Variants in NF1 observed in about 807,000 individuals in gnomAD.
The protein encoded by NF1 is neurofibromin 1, also known as neurofibromin.
In NF1, 122 loss-of-function variants were observed where a neutral mutation model predicts 325.7. The observed-to-expected ratio is 0.37, with a 90% CI of 0.32 to 0.44. The LOEUF is 0.44. NF1 is among the 20% of genes least tolerant of loss of function. The pLI, the probability that NF1 is intolerant of heterozygous loss-of-function variation, is 1.00. For synonymous variants in NF1, 1,091 were observed against 1,186.0 expected, an observed-to-expected ratio of 0.92 and a Z score of 1.65; for missense variants, 2,140 against 3,415.4, an observed-to-expected ratio of 0.63 and a Z score of 9.31.
At chr17:31,233,287 A>G in intron 27 of NF1, 74 bp downstream of exon 27, 1 of 1,344,340 alleles carries the variant, frequency 7.4e-7, no homozygotes, top group South Asian at 1.2e-5. Flanking sequence ...TTTGTTCAAT[A>G]AATGTTTGTT....
In NF1 at chr17:31,265,240, A is replaced by G. The variant is rs1275751975; in HGVS notation, c.4736A>G (p.His1579Arg). 4 of 1,611,948 alleles carry G rather than the reference A, an allele frequency of 2.5e-6. No individual in the cohort carries two copies. Among genetic ancestry groups the G allele is most frequent in the African/African-American group, 1.3e-5 (1 of 74,860 alleles). Reference protein sequence around the residue: ...FEEFMTRHQVHEKEEFKALKT... With the variant: ...FEEFMTRHQVREKEEFKALKT... ...TATTTTTCTTTTAGGCATCAGGTACATGAAAAAGAAGAATTCAAGGCTTTG... is the reference window on the plus strand; with the variant it reads ...TATTTTTCTTTTAGGCATCAGGTACGTGAAAAAGAAGAATTCAAGGCTTTG... The change falls in exon 36 of 58, where the codon CAT (histidine) becomes CGT (arginine). Residue 1579 changes from histidine to arginine, a missense_variant. By Grantham distance (29) the His-to-Arg change is conservative. This residue lies in a region of NF1 where 103 missense variants were observed against 214.6 expected (regional missense o/e 0.48). Transcript: ENST00000358273.
At chr17:31,346,652 C>A (rs1042649365) in intron 48 of NF1, among the ~76,000 whole-genome samples, 2 of 151,796 alleles carry the variant, frequency 1.3e-5, no homozygotes, top group Non-Finnish European at 2.9e-5. Context: ...GGTGTGTGCC[C>A]TCCTGGTAAC....
intron 35 of NF1, among the ~76,000 whole-genome samples, chr17:31,263,110 G>GGT (rs1334914975): frequency 6.3e-5 from 5 of 79,392 alleles, no homozygotes; most frequent in African/African-American, 1.3e-4. Context: ...TAGGTAGGTA[G>GGT]ATAGATAGAT....
chr17:31,167,332 T>C (rs903813301), intron 4 of NF1, among the ~76,000 whole-genome samples: 1 of 152,204 alleles, frequency 6.6e-6, no homozygotes, highest in Admixed American at 6.5e-5. Context: ...AGAGAGTTCA[T>C]GTAAGTGCTT....
At chr17:31,281,012 G>A (rs1257150944) in intron 36 of NF1, among the ~76,000 whole-genome samples, 3 of 152,088 alleles carry the variant, frequency 2.0e-5, no homozygotes, top group African/African-American at 7.2e-5. Flanking sequence ...TGAAATGCCT[G>A]TTTCATGTAG....
chr17:31,323,511 G>T (rs914034596), intron 36 of NF1, among the ~76,000 whole-genome samples: 1 of 152,102 alleles, frequency 6.6e-6, no homozygotes, highest in African/African-American at 2.4e-5. Flanking sequence ...TGATTCTGAC[G>T]CCAGTAGTCC....
At chr17:31,265,871 T>G (rs896577277) in intron 36 of NF1, among the ~76,000 whole-genome samples, 3 of 152,162 alleles carry the variant, frequency 2.0e-5, no homozygotes, top group African/African-American at 7.2e-5. Context: ...TGAGGCTAGT[T>G]CCTAGAAAGC....
intron 9 of NF1, 39 bp downstream of exon 9, chr17:31,200,634 A>G: frequency 6.3e-7 from 1 of 1,595,620 alleles, no homozygotes; most frequent in African/African-American, 1.3e-5. Flanking sequence ...AACTTTAAGA[A>G]AATTAAATGA....
At chr17:31,137,474 C>T (rs1270981006) in intron 1 of NF1, 3 of 152,124 alleles carry the variant, frequency 2.0e-5, no homozygotes, top group African/African-American at 7.2e-5. Context: ...ATCATTAACA[C>T]GTTCTCAGTA....
rs1000941845 is a variant in NF1, at chr17:31,181,571, T to A, written c.654+82T>A. 4 of 1,380,286 alleles carry A rather than the reference T, an allele frequency of 2.9e-6. No homozygotes were observed. The African/African-American group carries it at 5.7e-5, about 20-fold the overall frequency. The allele number at this position is 1,380,286 out of a possible 1,614,324, so 85.5% of individuals were successfully genotyped here. On this transcript the variant is annotated intron_variant, in intron 6 of 57. Coordinates refer to ENST00000358273, the MANE Select transcript of NF1 (RefSeq NM_001042492.3). ...GTTAGCATCCTGAATCAAAAAGTTA[T>A]GACTTGAGTGATAGTTTCACATTCA... is the stretch of plus-strand genomic sequence containing the variant.
intron 35 of NF1, among the ~76,000 whole-genome samples, chr17:31,263,087 G>C (rs2067716921): frequency 9.2e-6 from 1 of 109,040 alleles, no homozygotes; most frequent in Non-Finnish European, 2.0e-5. Context: ...AGGTAGGTAG[G>C]TAGGTAGGTA....
At chr17:31,124,057 TC>T (rs1208647615) in intron 1 of NF1, among the ~76,000 whole-genome samples, 2 of 152,140 alleles carry the variant, frequency 1.3e-5, no homozygotes, top group Non-Finnish European at 2.9e-5. Flanking sequence ...CCCTCTCTGA[TC>T]CCATTCTATC....
intron 36 of NF1, chr17:31,278,150 C>T (rs540603603): frequency 2.0e-5 from 3 of 152,208 alleles, no homozygotes; most frequent in South Asian, 2.1e-4. Context: ...AAAATTGTGT[C>T]TTTCTTTATA....
At chr17:31,187,766 A>G (rs1303179859) in intron 8 of NF1, among the ~76,000 whole-genome samples, 1 of 152,102 alleles carries the variant, frequency 6.6e-6, no homozygotes, top group Non-Finnish European at 1.5e-5. Flanking sequence ...TTGAGACATT[A>G]TGTTCTGCTG....
Position 31,263,107 on chromosome 17 carries a change from G to GTAGATAGATAGA in NF1, c.4724+1257_4724+1268dup, listed in dbSNP as rs1163819126. Among the ~76,000 whole-genome samples the GTAGATAGATAGA allele has an allele frequency of 9.8e-4, 59 of 60,122 alleles. No individual in the cohort carries two copies. In the South Asian group the frequency reaches 0.015, roughly 15 times the overall value. The allele number at this position is 60,122 out of a possible 152,430, so 39.4% of individuals were successfully genotyped here. ...GGTAGGTAGGTAGGTAGGTAGGTAGGTAGATAGATAGATAGATAAGATAAG... is the reference window on the plus strand; with the variant it reads ...GGTAGGTAGGTAGGTAGGTAGGTAGGTAGATAGATAGATAGATAGATAGATAGATAAGATAAG... On this transcript the variant is annotated intron_variant, in intron 35 of 57. Coordinates refer to ENST00000358273, the MANE Select transcript of NF1 (RefSeq NM_001042492.3).
intron 36 of NF1, among the ~76,000 whole-genome samples, chr17:31,300,414 T>C (rs1349861468): frequency 1.3e-5 from 2 of 152,112 alleles, no homozygotes; most frequent in Non-Finnish European, 2.9e-5. Context: ...ATATACATAC[T>C]GTTAGATAAC....
At chr17:31,341,790 A>G (rs2189525) in intron 47 of NF1, among the ~76,000 whole-genome samples, 77,064 of 151,710 alleles carry the variant, frequency 0.51, 21,129 homozygotes, top group Middle Eastern at 0.62. Context: ...ATGGAGATCT[A>G]ATTGGGGTTG....
intron 36 of NF1, among the ~76,000 whole-genome samples, chr17:31,285,610 G>A (rs921612770): frequency 2.6e-5 from 4 of 152,148 alleles, no homozygotes; most frequent in Non-Finnish European, 5.9e-5. Context: ...CACTTTGGGA[G>A]GCCAAGGCAG....
At chr17:31,182,860 A>T in intron 8 of NF1, 195 bp downstream of exon 8, 1 of 616,258 alleles carries the variant, frequency 1.6e-6, no homozygotes, top group Non-Finnish European at 2.9e-6. Context: ...GAGGGAAAAT[A>T]ATACCAGGCA....
Sources: allele counts gnomAD v4.1 joint callset (sites outside exome capture counted in the v4.1 genomes callset), GRCh38; gene constraint gnomAD v4.1.1; regional missense constraint gnomAD v4.1.1; transcripts MANE v1.5; gene names NCBI Gene and HGNC (gene_info 2026-07-23, HGNC 2026-07-21).